Variants in MYO3A observed in about 807,000 individuals in gnomAD.
MYO3A encodes myosin-IIIa.
MYO3A carries 180 observed loss-of-function variants against 192.7 expected under a neutral mutation model. That is an observed-to-expected ratio of 0.93 (90% CI 0.83 to 1.06). MYO3A has a LOEUF of 1.06. Among genes scored for constraint, MYO3A ranks in the 50% least tolerant of loss-of-function variants. MYO3A has a pLI of 0.00. For synonymous variants in MYO3A, 628 were observed against 645.3 expected, an observed-to-expected ratio of 0.97 and a Z score of 0.41; for missense variants, 1,896 against 1,905.0, an observed-to-expected ratio of 1.00 and a Z score of 0.09.
intron 26 of MYO3A, chr10:26,165,863 C>T (rs890926853): frequency 6.4e-6 from 4 of 622,682 alleles, no homozygotes; most frequent in Middle Eastern, 4.3e-4. Context: ...ACACAATGCT[C>T]AAATTTATAC....
At chr10:26,194,987 C>T (rs1843338564) in intron 32 of MYO3A, among the ~76,000 whole-genome samples, 1 of 152,168 alleles carries the variant, frequency 6.6e-6, no homozygotes, top group African/African-American at 2.4e-5. Context: ...ACAATTAACC[C>T]ACCTTAATAT....
chr10:25,956,373 C>T (rs1381107026), intron 4 of MYO3A, among the ~76,000 whole-genome samples: 1 of 151,230 alleles, frequency 6.6e-6, no homozygotes. Context: ...CTTTGTTGCC[C>T]AGGCTGGAGT....
At chr10:25,959,698 T>C (rs1200269415) in intron 4 of MYO3A, among the ~76,000 whole-genome samples, 3 of 151,978 alleles carry the variant, frequency 2.0e-5, no homozygotes, top group Admixed American at 6.6e-5. Flanking sequence ...CATCATGTAG[T>C]AATTTGTGCC....
chr10:25,966,722 A>G (rs1838290715), intron 4 of MYO3A, among the ~76,000 whole-genome samples: 1 of 152,220 alleles, frequency 6.6e-6, no homozygotes, highest in Non-Finnish European at 1.5e-5. Flanking sequence ...CTAAACAAGC[A>G]CAAAGGTGAT....
chr10:26,052,756 C>A (rs951575569), intron 10 of MYO3A, among the ~76,000 whole-genome samples: 23 of 151,978 alleles, frequency 1.5e-4, no homozygotes, highest in African/African-American at 4.1e-4. Flanking sequence ...AAAGTAAAAG[C>A]AAATAAAGCT....
intron 10 of MYO3A, among the ~76,000 whole-genome samples, chr10:26,064,401 C>A (rs942624065): frequency 6.6e-5 from 10 of 152,132 alleles, no homozygotes; most frequent in Non-Finnish European, 8.8e-5. Context: ...ATATTAGAAA[C>A]AGATGATGTT....
At position 26,147,619 on chromosome 10, in the gene MYO3A, T is replaced by G. The variant is rs150752757; in HGVS notation, c.2635+60T>G. The G allele has an allele frequency of 2.6e-4, 422 of 1,609,108 alleles. 3 individuals carry two copies. The African/African-American group carries it at 5.1e-3, about 20-fold the overall frequency. ...AGCCCAATCAAATAGTTTCTATCTC[T>G]GCGCTTTTCACTAATTTCATCCTTA... On this transcript the variant is annotated intron_variant, in intron 23 of 34. Transcript: ENST00000642920.
At chr10:26,128,566 G>T (rs1839353184) in intron 20 of MYO3A, 28 bp downstream of exon 20, 3 of 1,572,684 alleles carry the variant, frequency 1.9e-6, no homozygotes, top group Non-Finnish European at 2.6e-6. Flanking sequence ...CTATAAATAT[G>T]CATGCATGCA....
chr10:26,074,978 C>T (rs1476810727), intron 14 of MYO3A, among the ~76,000 whole-genome samples: 2 of 152,002 alleles, frequency 1.3e-5, no homozygotes, highest in Non-Finnish European at 2.9e-5. Flanking sequence ...GTTTTCCCAG[C>T]ACCATTTATT....
chr10:25,996,417 T>C, intron 4 of MYO3A, 73 bp from the exon 5 acceptor site: 1 of 1,267,842 alleles, frequency 7.9e-7, no homozygotes, highest in African/African-American at 1.5e-5. Context: ...AAAAATGTCT[T>C]GGAAGAACTT....
intron 17 of MYO3A, among the ~76,000 whole-genome samples, chr10:26,108,982 C>G (rs1837998058): frequency 6.6e-6 from 1 of 152,174 alleles, no homozygotes; most frequent in African/African-American, 2.4e-5. Context: ...CTTCACTGAT[C>G]CATCTCCCCA....
intron 6 of MYO3A, among the ~76,000 whole-genome samples, chr10:26,001,841 G>A (rs1411776223): frequency 6.6e-6 from 1 of 152,140 alleles, no homozygotes; most frequent in Admixed American, 6.5e-5. Context: ...TAAAAAATTA[G>A]TCAAGCTTGG....
At chr10:25,992,633 A>G (rs1322269617) in intron 4 of MYO3A, among the ~76,000 whole-genome samples, 2 of 152,152 alleles carry the variant, frequency 1.3e-5, no homozygotes, top group East Asian at 1.9e-4. Flanking sequence ...TCAGTATGAT[A>G]TTGGCTGTGG....
At chr10:26,177,167 G>C (rs1030461889) in intron 31 of MYO3A, among the ~76,000 whole-genome samples, 5 of 151,968 alleles carry the variant, frequency 3.3e-5, no homozygotes, top group African/African-American at 1.2e-4. Flanking sequence ...ATAAGAGAGC[G>C]CAAAAATAGA....
Position 25,953,118 on chromosome 10 carries a change from T to A in MYO3A, c.168+840T>A, listed in dbSNP as rs115179692. Among the ~76,000 whole-genome samples, 670 of 151,984 alleles carry A rather than the reference T, an allele frequency of 4.4e-3. 5 individuals are homozygous for A. Among genetic ancestry groups the A allele is most frequent in the African/African-American group, 0.015 (634 of 41,458 alleles). On this transcript the variant is annotated intron_variant, in intron 3 of 34. Transcript: ENST00000642920. ...AAAGCAACTGCTCCAATTAACAGAC[T>A]CTTGCACACATGATGGGAGCATGGC...
chr10:26,139,206 G>A (rs1003287920), intron 20 of MYO3A, among the ~76,000 whole-genome samples: 1 of 151,918 alleles, frequency 6.6e-6, no homozygotes, highest in African/African-American at 2.4e-5. Context: ...AATACAATAG[G>A]CTACAATTTC....
intron 7 of MYO3A, among the ~76,000 whole-genome samples, chr10:26,018,598 T>C (rs758492385): frequency 3.4e-4 from 52 of 152,304 alleles, no homozygotes; most frequent in Non-Finnish European, 4.6e-4. Flanking sequence ...AAAGTAGCAT[T>C]TGCTGGTTAC....
At chr10:26,175,796 A>G (rs992178081) in intron 30 of MYO3A, among the ~76,000 whole-genome samples, 4 of 152,216 alleles carry the variant, frequency 2.6e-5, no homozygotes, top group Admixed American at 1.3e-4. Flanking sequence ...TAGAATTACC[A>G]AGGCATCCAC....
intron 34 of MYO3A, among the ~76,000 whole-genome samples, chr10:26,210,406 G>C (rs1194591232): frequency 6.6e-6 from 1 of 152,120 alleles, no homozygotes; most frequent in East Asian, 1.9e-4. Flanking sequence ...CGACATTCTT[G>C]GTTCTTCTCT....
Sources: gnomAD v4.1 joint callset for allele counts (sites outside exome capture counted in the v4.1 genomes callset) on GRCh38, gnomAD v4.1.1 for gene constraint, MANE v1.5 for transcripts, NCBI Gene and HGNC (gene_info 2026-07-23, HGNC 2026-07-21) for gene names.